The following LRP1B variants were observed in gnomAD, a reference collection of about 807,000 sequenced individuals.
LRP1B encodes LDL receptor related protein 1B.
Under a neutral mutation model 556.6 loss-of-function variants are expected in LRP1B, and 217 were observed. That is an observed-to-expected ratio of 0.39 (90% CI 0.35 to 0.44). LRP1B has a LOEUF of 0.44. LRP1B is among the 20% of genes least tolerant of loss of function. The pLI is 1.00. For synonymous variants in LRP1B, 2,047 were observed against 1,865.8 expected (o/e 1.10, Z -2.50); for missense variants, 5,053 against 5,620.8 (o/e 0.90, Z 3.23).
chr2:141,759,412 T>C (rs1694451544), intron 2 of LRP1B, among the ~76,000 whole-genome samples: 1 of 152,008 alleles, frequency 6.6e-6, no homozygotes, highest in Admixed American at 6.6e-5. Flanking sequence ...GAAAAATAAA[T>C]TGAGGAAGTA....
chr2:142,006,351 GA>G (rs1392481941), intron 1 of LRP1B, among the ~76,000 whole-genome samples: 1 of 152,152 alleles, frequency 6.6e-6, no homozygotes, highest in Non-Finnish European at 1.5e-5. Context: ...AAAGAAACCT[GA>G]CAAGCAGTGT....
chr2:140,249,799 T>C (rs950060075), intron 86 of LRP1B, among the ~76,000 whole-genome samples: 1 of 151,870 alleles, frequency 6.6e-6, no homozygotes, highest in African/African-American at 2.4e-5. Context: ...CTTCCAGTGG[T>C]TGATTTAAGA....
At chr2:141,595,851 A>T (rs1687495851) in intron 2 of LRP1B, among the ~76,000 whole-genome samples, 1 of 152,090 alleles carries the variant, frequency 6.6e-6, no homozygotes, top group Non-Finnish European at 1.5e-5. Flanking sequence ...GCTCTATCAT[A>T]CTTGAAAATT....
Position 141,504,703 on chromosome 2 carries a change from T to A in LRP1B, c.206-24170A>T, listed in dbSNP as rs74390703. Among the ~76,000 whole-genome samples the A allele has an allele frequency of 4.4e-3, 667 of 152,188 alleles. 8 individuals are homozygous for A. Among genetic ancestry groups the A allele is most frequent in the African/African-American group, 0.014 (596 of 41,558 alleles). The stretch of plus-strand genomic sequence containing the variant: ...ACACTCTGGAACTCAAGGGATTGAG[T>A]TCTTACAATGGAGGTGGATGTCTTA... On this transcript the variant is annotated intron_variant, in intron 2 of 90. Transcript: ENST00000389484.
intron 41 of LRP1B, among the ~76,000 whole-genome samples, chr2:140,629,545 T>A (rs965987730): frequency 1.3e-5 from 2 of 152,132 alleles, no homozygotes; most frequent in Non-Finnish European, 2.9e-5. Context: ...ACTGCCTGAG[T>A]CCAGTACATA....
intron 35 of LRP1B, among the ~76,000 whole-genome samples, chr2:140,752,633 C>T (rs866960999): frequency 6.6e-6 from 1 of 152,158 alleles, no homozygotes; most frequent in Non-Finnish European, 1.5e-5. Flanking sequence ...GCAAATCTCA[C>T]ATTTTATATA....
intron 2 of LRP1B, among the ~76,000 whole-genome samples, chr2:141,709,481 A>G (rs1898427): frequency 1 from 151,954 of 152,334 alleles, 75,788 homozygotes; most frequent in Middle Eastern, 1. Flanking sequence ...TGCATTTTGT[A>G]AAGATACCGA....
At chr2:140,600,766 GGTTTT>G (rs1682624967) in intron 42 of LRP1B, among the ~76,000 whole-genome samples, 2 of 46,174 alleles carry the variant, frequency 4.3e-5, no homozygotes, top group Non-Finnish European at 8.6e-5. Flanking sequence ...TGTTCTTCGG[GGTTTT>G]TTTTTTTTTT....
intron 43 of LRP1B, among the ~76,000 whole-genome samples, chr2:140,587,688 T>C (rs1682042048): frequency 6.6e-6 from 1 of 152,162 alleles, no homozygotes; most frequent in Non-Finnish European, 1.5e-5. Flanking sequence ...GTGTTATGAT[T>C]AACATGTTAA....
chr2:141,427,171 A>G (rs1414667462), intron 3 of LRP1B, among the ~76,000 whole-genome samples: 6 of 152,200 alleles, frequency 3.9e-5, no homozygotes, highest in Non-Finnish European at 8.8e-5. Flanking sequence ...AAAGCAACTT[A>G]GGCATTAAAA....
intron 60 of LRP1B, among the ~76,000 whole-genome samples, chr2:140,471,700 C>T (rs2105343162): frequency 6.6e-6 from 1 of 152,256 alleles, no homozygotes; most frequent in African/African-American, 2.4e-5. Flanking sequence ...TTTCATTTCA[C>T]ATGCTGTTGT....
Position 140,599,365 on chromosome 2 carries a change from C to CT in LRP1B, c.6990-531dup, listed in dbSNP as rs200857486. ...TACTAAACTCCTGTTTTTTACATTT[C>CT]TTTTTTTCTCTCAGTGTGATTTTTC... On this transcript the variant is annotated intron_variant, in intron 42 of 90. Transcript: ENST00000389484. Among the ~76,000 whole-genome samples the CT allele has an allele frequency of 4.1e-3, 624 of 152,064 alleles. 3 individuals carry two copies. The highest frequency in any genetic ancestry group is 0.014 in the African/African-American group (598 of 41,514).
intron 3 of LRP1B, among the ~76,000 whole-genome samples, chr2:141,473,267 G>T: frequency 6.6e-6 from 1 of 152,016 alleles, no homozygotes; most frequent in East Asian, 1.9e-4. Context: ...GTGTATATAC[G>T]TTTATATATA....
At position 142,004,604 on chromosome 2, in the gene LRP1B, G is replaced by A. The variant is rs1574583606; in HGVS notation, c.82+126044C>T. ...CTCACACCTGTAATCCTAGCACTTTGGGAGGCTGAGGGGGGTGGATCACCC... is the reference window on the plus strand; with the variant it reads ...CTCACACCTGTAATCCTAGCACTTTAGGAGGCTGAGGGGGGTGGATCACCC... On this transcript the variant is annotated intron_variant, in intron 1 of 90. Coordinates refer to ENST00000389484, the MANE Select transcript of LRP1B (RefSeq NM_018557.3). Among the ~76,000 whole-genome samples, 4 of 152,176 alleles carry A rather than the reference G, an allele frequency of 2.6e-5. No individual in the cohort carries two copies. The South Asian group carries it at 8.3e-4, about 32-fold the overall frequency.
intron 31 of LRP1B, among the ~76,000 whole-genome samples, chr2:140,822,601 G>A (rs1691365302): frequency 1.3e-5 from 2 of 152,198 alleles, no homozygotes; most frequent in South Asian, 4.1e-4. Flanking sequence ...TGGCTAAGAG[G>A]TGAAATTGGT....
intron 37 of LRP1B, among the ~76,000 whole-genome samples, chr2:140,704,335 T>A (rs968900325): frequency 2.6e-5 from 4 of 152,094 alleles, no homozygotes; most frequent in Admixed American, 2.0e-4. Context: ...TAGTTGATAT[T>A]TTTCTTGAAA....
intron 31 of LRP1B, among the ~76,000 whole-genome samples, chr2:140,819,834 T>C (rs1409082942): frequency 6.6e-6 from 1 of 152,070 alleles, no homozygotes; most frequent in African/African-American, 2.4e-5. Context: ...CTGATACACA[T>C]TGTTAGTGGT....
chr2:140,905,900 C>T (rs1021130378), intron 22 of LRP1B, among the ~76,000 whole-genome samples: 3 of 152,128 alleles, frequency 2.0e-5, no homozygotes, highest in South Asian at 2.1e-4. Flanking sequence ...AATCTATTTT[C>T]GTTTGTTTCT....
At chr2:141,570,735 C>T (rs1236644259) in intron 2 of LRP1B, among the ~76,000 whole-genome samples, 1 of 151,374 alleles carries the variant, frequency 6.6e-6, no homozygotes. Flanking sequence ...GGAGGCTGGA[C>T]GGCTCTGTAT....
Sources: gnomAD v4.1 joint callset for allele counts (sites outside exome capture counted in the v4.1 genomes callset) on GRCh38, gnomAD v4.1.1 for gene constraint, MANE v1.5 for transcripts, NCBI Gene and HGNC (gene_info 2026-07-23, HGNC 2026-07-21) for gene names.